ANO2: variants seen among roughly 807,000 people sequenced by gnomAD.
ANO2 encodes anoctamin-2.
ANO2 carries 101 observed loss-of-function variants against 124.2 expected under a neutral mutation model. The observed-to-expected ratio is 0.81, with a 90% CI of 0.69 to 0.96. ANO2 has a LOEUF of 0.96. Among genes scored for constraint, ANO2 ranks in the 40% least tolerant of loss-of-function variants. ANO2 has a pLI of 0.00. For missense variants in ANO2, 1,293 were observed against 1,274.5 expected (o/e 1.01, Z -0.22); for synonymous variants, 486 against 482.5 (o/e 1.01, Z -0.09).
chr12:5,620,769 G>C (rs1945080168), intron 16 of ANO2, among the ~76,000 whole-genome samples: 1 of 151,878 alleles, frequency 6.6e-6, no homozygotes, highest in Non-Finnish European at 1.5e-5. Flanking sequence ...CGAGATAAAA[G>C]ACCTGGGTGA....
intron 16 of ANO2, among the ~76,000 whole-genome samples, chr12:5,634,871 G>A (rs918221267): frequency 6.6e-6 from 1 of 151,796 alleles, no homozygotes; most frequent in Non-Finnish European, 1.5e-5. Context: ...CAGACCCCAC[G>A]GTTTACCCTT....
At chr12:5,872,994 T>C (rs777397296) in intron 3 of ANO2, among the ~76,000 whole-genome samples, 6 of 152,172 alleles carry the variant, frequency 3.9e-5, no homozygotes, top group African/African-American at 1.4e-4. Context: ...CCTTCAGCAA[T>C]AGGGGACTGT....
chr12:5,703,493 A>G (rs878875727), intron 14 of ANO2, among the ~76,000 whole-genome samples: 1 of 152,204 alleles, frequency 6.6e-6, no homozygotes, highest in Non-Finnish European at 1.5e-5. Context: ...AATGTATTTT[A>G]TGGGCAAAGC....
intron 3 of ANO2, among the ~76,000 whole-genome samples, chr12:5,912,572 C>T (rs1941118465): frequency 6.6e-6 from 1 of 152,206 alleles, no homozygotes; most frequent in Admixed American, 6.5e-5. Context: ...TCCCTGCTTT[C>T]CCTGTGCATC....
rs147800458 is a variant in ANO2 at position 5,712,075 on chromosome 12, A to G, written c.1545+20445T>C. Among the ~76,000 whole-genome samples the G allele has an allele frequency of 9.0e-4, 137 of 152,340 alleles. 1 individual carries two copies. Among genetic ancestry groups the G allele is most frequent in the African/African-American group, 3.1e-3 (131 of 41,588 alleles). On this transcript the variant is annotated intron_variant, in intron 14 of 24. Coordinates refer to ENST00000682330, the MANE Select transcript of ANO2 (RefSeq NM_001364791.2). ...AGTGAGGCCCTGTGCTAGAAGCCAA[A>G]GAAACAAGGTCAAACAGAAGCTCTC... is the stretch of plus-strand genomic sequence containing the variant.
chr12:5,565,804 G>A, intron 23 of ANO2, 141 bp from the exon 24 acceptor site: 1 of 655,910 alleles, frequency 1.5e-6, no homozygotes, highest in Non-Finnish European at 2.6e-6. Flanking sequence ...GGGGAAGTGG[G>A]GGGAATCTAT....
intron 3 of ANO2, among the ~76,000 whole-genome samples, chr12:5,906,640 C>G (rs2136287907): frequency 6.6e-6 from 1 of 152,022 alleles, no homozygotes; most frequent in South Asian, 2.1e-4. Context: ...ACTAAAAATA[C>G]AAAAATTAGC....
chr12:5,786,715 C>G (rs1952551799), intron 10 of ANO2, among the ~76,000 whole-genome samples: 1 of 152,188 alleles, frequency 6.6e-6, no homozygotes, highest in Admixed American at 6.5e-5. Context: ...GTCTGCATGT[C>G]TCATCAACAC....
At chr12:5,915,588 A>G (rs1167962820) in intron 3 of ANO2, among the ~76,000 whole-genome samples, 1 of 152,166 alleles carries the variant, frequency 6.6e-6, no homozygotes, top group Non-Finnish European at 1.5e-5. Context: ...CCCAGAGCCT[A>G]AAAGATTGCC....
At chr12:5,740,138 C>T (rs1951039430) in intron 12 of ANO2, 2 of 374,076 alleles carry the variant, frequency 5.3e-6, no homozygotes, top group Non-Finnish European at 1.1e-5. Context: ...CACAACCCTA[C>T]AGCCATGGTT....
intron 3 of ANO2, among the ~76,000 whole-genome samples, chr12:5,911,453 T>G (rs959460161): frequency 1.3e-4 from 20 of 152,128 alleles, no homozygotes; most frequent in African/African-American, 4.8e-4. Context: ...CATCTAGCAG[T>G]GCCATGAAGA....
intron 14 of ANO2, among the ~76,000 whole-genome samples, chr12:5,695,382 A>C (rs548574625): frequency 9.6e-4 from 146 of 152,290 alleles, no homozygotes; most frequent in African/African-American, 3.1e-3. Flanking sequence ...ACTTAAAAAA[A>C]AAAAAAAAAG....
chr12:5,721,330 C>A (rs890877282), intron 14 of ANO2, among the ~76,000 whole-genome samples: 2 of 152,212 alleles, frequency 1.3e-5, no homozygotes, highest in Non-Finnish European at 2.9e-5. Context: ...GAAGCCAGCC[C>A]ACCTGGCACT....
chr12:5,566,480 T>C (rs1195749784), intron 23 of ANO2, among the ~76,000 whole-genome samples: 2 of 151,954 alleles, frequency 1.3e-5, no homozygotes, highest in Admixed American at 6.6e-5. Flanking sequence ...CCTGGAAAAA[T>C]GACAAGGGGC....
intron 3 of ANO2, 133 bp from the exon 4 acceptor site, chr12:5,854,274 T>C (rs990393648): frequency 1.3e-6 from 1 of 743,018 alleles, no homozygotes; most frequent in Non-Finnish European, 2.2e-6. Context: ...TCTTTAAAAT[T>C]CACCAGGGAC....
At position 5,844,251 on chromosome 12, in the gene ANO2, A is replaced by G. The variant is rs116695509; in HGVS notation, c.633+9792T>C. Among the ~76,000 whole-genome samples, 557 of 152,334 alleles carry G rather than the reference A, an allele frequency of 3.7e-3. 5 individuals are homozygous for G. Among genetic ancestry groups the G allele is most frequent in the African/African-American group, 0.013 (543 of 41,576 alleles). ...GAGTCTAAATCAGGGAGCTCCATCT[A>G]GGCTACACAGAGAGGTGTGGTTTGG... On this transcript the variant is annotated intron_variant, in intron 4 of 24. Transcript: ENST00000682330.
intron 10 of ANO2, among the ~76,000 whole-genome samples, chr12:5,779,903 A>C (rs1005981165): frequency 2.6e-5 from 4 of 152,234 alleles, no homozygotes; most frequent in Non-Finnish European, 5.9e-5. Context: ...ATATAGAGAC[A>C]TAACAACTAA....
chr12:5,940,849 C>A (rs1332191423), intron 1 of ANO2, among the ~76,000 whole-genome samples: 1 of 152,156 alleles, frequency 6.6e-6, no homozygotes, highest in African/African-American at 2.4e-5. Flanking sequence ...CTAGGACACA[C>A]AAATGCCCAT....
At chr12:5,666,349 G>A (rs972357648) in intron 14 of ANO2, among the ~76,000 whole-genome samples, 4 of 152,204 alleles carry the variant, frequency 2.6e-5, no homozygotes, top group Non-Finnish European at 5.9e-5. Context: ...GAAGACAGAA[G>A]GGAAGGAACG....
Sources: gnomAD v4.1 joint callset for allele counts (sites outside exome capture counted in the v4.1 genomes callset) on GRCh38, gnomAD v4.1.1 for gene constraint, MANE v1.5 for transcripts, NCBI Gene and HGNC (gene_info 2026-07-23, HGNC 2026-07-21) for gene names.